The following MANBA variants were observed in gnomAD, a reference collection of about 807,000 sequenced individuals.
The protein encoded by MANBA is beta-mannosidase.
In MANBA, 83 loss-of-function variants were observed where a neutral mutation model predicts 111.1. The ratio of observed to expected loss-of-function variants is 0.75; its 90% CI spans 0.63 to 0.90. MANBA has a LOEUF of 0.90. MANBA is among the 40% of genes least tolerant of loss of function. MANBA has a pLI of 0.00. For missense variants in MANBA, 1,036 were observed against 1,069.0 expected (o/e 0.97, Z 0.43); for synonymous variants, 370 against 378.7 (o/e 0.98, Z 0.27).
chr4:102,726,533 T>C (rs1560800503), intron 2 of MANBA, 56 bp downstream of exon 2: 19 of 940,018 alleles, frequency 2.0e-5, no homozygotes, highest in South Asian at 2.9e-5. Flanking sequence ...TTTGCCCAGA[T>C]AGAAAAAGAA....
chr4:102,698,572 T>C lies in MANBA; in HGVS notation c.674-7801A>G, dbSNP rs1288980317. On this transcript the variant is annotated intron_variant, in intron 5 of 16. Coordinates refer to ENST00000647097, the MANE Select transcript of MANBA (RefSeq NM_005908.4). Reference sequence around the variant, plus strand: ...AGGGATCCAGTTTCAGCTTTCTACATATGGCTAGCCAGTTTTCCCAGCACC... The same window carrying C: ...AGGGATCCAGTTTCAGCTTTCTACACATGGCTAGCCAGTTTTCCCAGCACC... Among the ~76,000 whole-genome samples, 787 of 149,090 alleles carry C rather than the reference T, an allele frequency of 5.3e-3. 13 individuals carry two copies. The highest frequency in any genetic ancestry group is 0.019 in the African/African-American group (747 of 39,998).
In MANBA at chr4:102,693,872, C is replaced by T. The variant is rs537639679; in HGVS notation, c.674-3101G>A. On this transcript the variant is annotated intron_variant, in intron 5 of 16. Coordinates refer to ENST00000647097, the MANE Select transcript of MANBA (RefSeq NM_005908.4). Reference sequence around the variant, plus strand: ...AAAAACCTCTGCCTCACAAAATAGCCTTCCCATTTTTGCCAGGCTTGGCTA... The same window carrying T: ...AAAAACCTCTGCCTCACAAAATAGCTTTCCCATTTTTGCCAGGCTTGGCTA... 5.3e-5 allele frequency among the ~76,000 whole-genome samples: 8 copies of T among 152,250 alleles called. 1 individual carries two copies. The South Asian group carries it at 1.7e-3, about 32-fold the overall frequency.
chr4:102,725,165 G>T (rs866250455), intron 2 of MANBA, among the ~76,000 whole-genome samples: 8 of 152,136 alleles, frequency 5.3e-5, no homozygotes, highest in African/African-American at 1.7e-4. Context: ...TTCTAAAATT[G>T]ATTGTGGTGA....
intron 12 of MANBA, among the ~76,000 whole-genome samples, chr4:102,656,989 T>C (rs1730584003): frequency 6.6e-6 from 1 of 152,126 alleles, no homozygotes; most frequent in African/African-American, 2.4e-5. Flanking sequence ...AAAAATGTTC[T>C]AAAATTAAAT....
At position 102,713,343 on chromosome 4, in the gene MANBA, C is replaced by T. The variant is rs369047180; in HGVS notation, c.673+1095G>A. Among the ~76,000 whole-genome samples, 10 of 152,280 alleles carry T rather than the reference C, an allele frequency of 6.6e-5. No individual in the cohort carries two copies. In the East Asian group the frequency reaches 1.5e-3, roughly 24 times the overall value. On this transcript the variant is annotated intron_variant, in intron 5 of 16. Coordinates refer to ENST00000647097, the MANE Select transcript of MANBA (RefSeq NM_005908.4). ...CCTAACTTCTCAAATCCTCACTGAT[C>T]TTTGATTTTCTGGCTCTTATCTTGG... is the stretch of plus-strand genomic sequence containing the variant.
rs1403325435 is a variant in MANBA, at chr4:102,634,192, A to G, written c.2415+596T>C. 5.3e-5 allele frequency among the ~76,000 whole-genome samples: 8 copies of G among 152,244 alleles called. No individual in the cohort carries two copies. In the South Asian group the frequency reaches 1.2e-3, roughly 24 times the overall value. On this transcript the variant is annotated intron_variant, in intron 16 of 16. Transcript: ENST00000647097. ...CAAATTCTCCAGCTGCACAATTTTT[A>G]TAACAACACATCCTGATCATCCCAT...
chr4:102,740,649 A>G (rs557040011), intron 1 of MANBA, among the ~76,000 whole-genome samples: 3 of 152,362 alleles, frequency 2.0e-5, no homozygotes, highest in African/African-American at 7.2e-5. Context: ...TCAAATACTT[A>G]CAGCCAACTG....
intron 5 of MANBA, 138 bp downstream of exon 5, chr4:102,714,300 C>T: frequency 1.2e-6 from 1 of 862,020 alleles, no homozygotes; most frequent in South Asian, 1.6e-5. Flanking sequence ...CTATTTTTTA[C>T]TTTTATAAAT....
chr4:102,689,072 G>A (rs184977859), intron 7 of MANBA, among the ~76,000 whole-genome samples: 12 of 152,150 alleles, frequency 7.9e-5, no homozygotes, highest in East Asian at 3.9e-4. Flanking sequence ...ATATAAGGCC[G>A]GGCGCAGTGG....
At chr4:102,737,410 G>T (rs955159353) in intron 1 of MANBA, among the ~76,000 whole-genome samples, 4 of 152,152 alleles carry the variant, frequency 2.6e-5, no homozygotes, top group Non-Finnish European at 4.4e-5. Flanking sequence ...GTGCTGTTGG[G>T]GGGGCACAGT....
chr4:102,674,370 T>C (rs1731629837), intron 7 of MANBA, among the ~76,000 whole-genome samples: 1 of 152,130 alleles, frequency 6.6e-6, no homozygotes, highest in South Asian at 2.1e-4. Context: ...GAAGATAACA[T>C]CTCTAAATTA....
chr4:102,651,797 T>C (rs1730345307), intron 12 of MANBA, among the ~76,000 whole-genome samples: 1 of 152,164 alleles, frequency 6.6e-6, no homozygotes, highest in Non-Finnish European at 1.5e-5. Context: ...TACAGATGTT[T>C]TTCCAAAATG....
intron 1 of MANBA, among the ~76,000 whole-genome samples, chr4:102,749,866 A>G (rs1039802696): frequency 6.6e-6 from 1 of 152,232 alleles, no homozygotes; most frequent in Non-Finnish European, 1.5e-5. Flanking sequence ...GCCAACGCTT[A>G]CCTAAAAATT....
At chr4:102,669,101 A>T in intron 9 of MANBA, 52 bp from the exon 10 acceptor site, 1 of 1,343,824 alleles carries the variant, frequency 7.4e-7, no homozygotes, top group Non-Finnish European at 1.1e-6. Flanking sequence ...TTTATTACAC[A>T]GAAGAAAGTC....
intron 4 of MANBA, chr4:102,722,239 T>C (rs1290427429): frequency 6.5e-6 from 1 of 155,006 alleles, no homozygotes; most frequent in East Asian, 1.9e-4. Context: ...AACTGTACAC[T>C]TAAAAATTAT....
intron 1 of MANBA, among the ~76,000 whole-genome samples, chr4:102,760,296 G>C (rs1012496889): frequency 1.3e-5 from 2 of 152,180 alleles, no homozygotes; most frequent in African/African-American, 4.8e-5. Context: ...AAAAAACCGA[G>C]ACATTACTCA....
chr4:102,635,896 T>C lies in MANBA; in HGVS notation c.2126A>G (p.Asp709Gly). The change falls in exon 15 of 17, where the codon GAT (aspartate) becomes GGT (glycine). Residue 709 changes from aspartate to glycine, a missense_variant. Transcript: ENST00000647097. ...ENTFYIYGVSDLHSDYSMTLS... is the reference protein window; with the variant it reads ...ENTFYIYGVSGLHSDYSMTLS... Reference sequence around the variant, plus strand: ...TGTCATCGAATAATCCGAGTGAAGATCTGACACACCATAGATATAGAACGT... The same window carrying C: ...TGTCATCGAATAATCCGAGTGAAGACCTGACACACCATAGATATAGAACGT... 1 of 1,612,666 alleles carries C rather than the reference T, an allele frequency of 6.2e-7. No individual in the cohort carries two copies. The highest frequency in any genetic ancestry group is 8.5e-7 in the Non-Finnish European group (1 of 1,178,614).
rs112805717 is a variant in MANBA, at chr4:102,730,094, T to C, written c.178-3411A>G. 4.9e-3 allele frequency: 4,663 copies of C among 957,742 alleles called. 89 individuals are homozygous for C. Among genetic ancestry groups the C allele is most frequent in the African/African-American group, 0.045 (2,745 of 61,344 alleles). 59.3% of individuals were successfully genotyped at this position (957,742 alleles called of 1,614,324 possible). On this transcript the variant is annotated intron_variant, in intron 1 of 16. Transcript: ENST00000647097. ...AGCTTATCTGGACACTGGGCCCACT[T>C]GTGTAGGAGTGGCTGCTGAAGGCCC...
At position 102,638,479 on chromosome 4, in the gene MANBA, T is replaced by TC. The variant is rs537624186; in HGVS notation, c.2014+1233dup. On this transcript the variant is annotated intron_variant, in intron 14 of 16. Transcript: ENST00000647097. ...CCACTTAGAGTTTGAGTGTCTTGTT[T>TC]CCCACAGACCTACTCTTCCTGAGGA... Among the ~76,000 whole-genome samples, 763 of 151,496 alleles carry TC rather than the reference T, an allele frequency of 5.0e-3. 9 individuals carry two copies. Among genetic ancestry groups the TC allele is most frequent in the African/African-American group, 0.017 (714 of 41,218 alleles).
Sources: gnomAD v4.1 joint callset for allele counts (sites outside exome capture counted in the v4.1 genomes callset) on GRCh38, gnomAD v4.1.1 for gene constraint, MANE v1.5 for transcripts, NCBI Gene and HGNC (gene_info 2026-07-23, HGNC 2026-07-21) for gene names.